The following ANO4 variants were observed in gnomAD, a reference collection of about 807,000 sequenced individuals.
ANO4 encodes anoctamin-4.
ANO4 carries 69 observed loss-of-function variants against 141.9 expected under a neutral mutation model. That is an observed-to-expected ratio of 0.49 (90% CI 0.40 to 0.59). The LOEUF (loss-of-function observed/expected upper bound fraction) is 0.59, where lower values mean the gene tolerates loss of function less well. ANO4 is among the 20% of genes least tolerant of loss of function. ANO4 has a pLI of 0.00. For synonymous variants in ANO4, 350 were observed against 394.3 expected, an observed-to-expected ratio of 0.89 and a Z score of 1.33; for missense variants, 894 against 1,162.2, an observed-to-expected ratio of 0.77 and a Z score of 3.36.
At chr12:100,775,931 A>C (rs971508749) in intron 3 of ANO4, among the ~76,000 whole-genome samples, 9 of 152,070 alleles carry the variant, frequency 5.9e-5, no homozygotes, top group Admixed American at 5.9e-4. Flanking sequence ...GTCTGTACTA[A>C]TGTGTACTGC....
chr12:100,855,382 A>G (rs2038110371), intron 1 of ANO4, among the ~76,000 whole-genome samples: 1 of 152,148 alleles, frequency 6.6e-6, no homozygotes, highest in African/African-American at 2.4e-5. Context: ...TTGAGTCAAA[A>G]TGATCTATTT....
intron 9 of ANO4, among the ~76,000 whole-genome samples, chr12:101,036,470 G>T (rs544402951): frequency 6.6e-6 from 1 of 152,212 alleles, no homozygotes; most frequent in African/African-American, 2.4e-5. Context: ...TGGAAGAATG[G>T]ATAAAGGAAT....
chr12:100,806,364 G>A lies in ANO4; in HGVS notation c.-141+11337G>A, dbSNP rs141710099. Among the ~76,000 whole-genome samples the A allele has an allele frequency of 1.8e-4, 27 of 151,974 alleles. 1 individual carries two copies. The East Asian group carries it at 4.5e-3, about 25-fold the overall frequency. On this transcript the variant is annotated intron_variant, in intron 1 of 27. Coordinates refer to ENST00000392977, the MANE Select transcript of ANO4 (RefSeq NM_001286615.2). ...CATTTTGATCTTTGCTAATCTGCTGGGTGAAAAGTAGCATCTTATAGTTTA... is the reference window on the plus strand; with the variant it reads ...CATTTTGATCTTTGCTAATCTGCTGAGTGAAAAGTAGCATCTTATAGTTTA...
intron 1 of ANO4, among the ~76,000 whole-genome samples, chr12:100,880,627 A>G (rs2039518797): frequency 6.6e-6 from 1 of 152,326 alleles, no homozygotes; most frequent in East Asian, 1.9e-4. Flanking sequence ...AGCAGCATGA[A>G]TCACTGCTTC....
At chr12:100,939,596 A>T (rs1042259035) in intron 4 of ANO4, 145 bp downstream of exon 4, 8 of 863,272 alleles carry the variant, frequency 9.3e-6, no homozygotes, top group Middle Eastern at 2.6e-4. Flanking sequence ...TTCCTTTGAC[A>T]TCCCCCATGT....
chr12:100,746,191 C>T (rs1423186145), intron 3 of ANO4, among the ~76,000 whole-genome samples: 5 of 152,194 alleles, frequency 3.3e-5, no homozygotes, highest in Non-Finnish European at 7.3e-5. Flanking sequence ...TGGTGGCTCA[C>T]GCCTGTAATC....
chr12:101,078,616 A>G (rs554081221), intron 14 of ANO4, among the ~76,000 whole-genome samples: 1 of 152,310 alleles, frequency 6.6e-6, no homozygotes, highest in African/African-American at 2.4e-5. Context: ...CAACAAAGAA[A>G]TGGTTTGGAG....
At chr12:100,769,881 G>C (rs757490784) in intron 3 of ANO4, among the ~76,000 whole-genome samples, 17 of 152,144 alleles carry the variant, frequency 1.1e-4, no homozygotes, top group Non-Finnish European at 1.6e-4. Context: ...CATATTTCCA[G>C]TAGTAAAATA....
At chr12:100,924,032 A>T (rs1407547189) in intron 3 of ANO4, among the ~76,000 whole-genome samples, 2 of 151,884 alleles carry the variant, frequency 1.3e-5, no homozygotes, top group Admixed American at 1.3e-4. Flanking sequence ...TAGATTCTGG[A>T]TATTAGCCCT....
At chr12:100,922,172 G>A in intron 2 of ANO4, 54 bp from the exon 3 acceptor site, 1 of 1,331,060 alleles carries the variant, frequency 7.5e-7, no homozygotes, top group Non-Finnish European at 1.0e-6. Context: ...GGACCCTAAT[G>A]ACAGACTCTC....
At chr12:101,071,154 T>C (rs1334908710) in intron 14 of ANO4, among the ~76,000 whole-genome samples, 1 of 152,080 alleles carries the variant, frequency 6.6e-6, no homozygotes, top group Non-Finnish European at 1.5e-5. Context: ...GATCCAGCAA[T>C]CTCATTATCA....
At chr12:100,831,382 T>C (rs11110542) in intron 1 of ANO4, among the ~76,000 whole-genome samples, 27,609 of 152,138 alleles carry the variant, frequency 0.18, 2,958 homozygotes, top group Middle Eastern at 0.29. Context: ...CAGGTTAATT[T>C]CTTTTGATTT....
In ANO4 at chr12:100,834,859, G is replaced by A. The variant is rs556719903; in HGVS notation, c.-141+39832G>A. 3.4e-4 allele frequency among the ~76,000 whole-genome samples: 51 copies of A among 152,170 alleles called. 1 individual carries two copies. Among genetic ancestry groups the A allele is most frequent in the African/African-American group, 1.2e-3 (48 of 41,530 alleles). ...CTAGCAATGCAGATATATGAGGGAAGAGTGATCCAGGCAAAGGGAATGGCA... is the reference window on the plus strand; with the variant it reads ...CTAGCAATGCAGATATATGAGGGAAAAGTGATCCAGGCAAAGGGAATGGCA... On this transcript the variant is annotated intron_variant, in intron 1 of 27. Coordinates refer to ENST00000392977, the MANE Select transcript of ANO4 (RefSeq NM_001286615.2).
chr12:100,767,592 A>G (rs1384277553), intron 3 of ANO4, among the ~76,000 whole-genome samples: 1 of 152,230 alleles, frequency 6.6e-6, no homozygotes, highest in African/African-American at 2.4e-5. Flanking sequence ...GTATGAATAT[A>G]CTGGATAAAG....
At chr12:100,904,174 A>G (rs1026987090) in intron 2 of ANO4, among the ~76,000 whole-genome samples, 1 of 152,198 alleles carries the variant, frequency 6.6e-6, no homozygotes, top group African/African-American at 2.4e-5. Flanking sequence ...TTAGACTACT[A>G]CAATAGCTTC....
chr12:100,868,340 A>G (rs1448488388), intron 1 of ANO4, among the ~76,000 whole-genome samples: 1 of 152,144 alleles, frequency 6.6e-6, no homozygotes, highest in Non-Finnish European at 1.5e-5. Context: ...TGACTGCATT[A>G]GGTCCCAGCC....
intron 14 of ANO4, among the ~76,000 whole-genome samples, chr12:101,070,495 C>T (rs993458974): frequency 7.9e-5 from 12 of 152,038 alleles, no homozygotes; most frequent in Admixed American, 1.3e-4. Flanking sequence ...CTTATCTTTC[C>T]GCATATACAA....
At chr12:101,103,180 ATT>A (rs879556849) in intron 22 of ANO4, among the ~76,000 whole-genome samples, 4,529 of 17,432 alleles carry the variant, frequency 0.26, 819 homozygotes, top group Non-Finnish European at 0.28. Flanking sequence ...CTTTTTAGTC[ATT>A]TTATATATAT....
intron 1 of ANO4, among the ~76,000 whole-genome samples, chr12:100,805,395 C>CTT (rs1214443977): frequency 6.6e-6 from 1 of 152,088 alleles, no homozygotes; most frequent in Non-Finnish European, 1.5e-5. Context: ...ATGTCTCCAG[C>CTT]TTTATTCTTT....
Sources: gnomAD v4.1 joint callset for allele counts (sites outside exome capture counted in the v4.1 genomes callset) on GRCh38, gnomAD v4.1.1 for gene constraint, MANE v1.5 for transcripts, NCBI Gene and HGNC (gene_info 2026-07-23, HGNC 2026-07-21) for gene names.